ARHGAP26: variants seen among roughly 807,000 people sequenced by gnomAD.
ARHGAP26 encodes Rho GTPase activating protein 26.
A neutral mutation model predicts 104.8 loss-of-function variants in ARHGAP26; 38 were observed. The observed-to-expected ratio is 0.36, with a 90% CI of 0.28 to 0.48. The LOEUF (loss-of-function observed/expected upper bound fraction) is 0.48. ARHGAP26 is among the 20% of genes least tolerant of loss of function. The probability of loss-of-function intolerance (pLI) is 0.99; values close to 1 mark genes in which losing one functional copy is unlikely to be tolerated. For missense variants in ARHGAP26, 704 were observed against 947.9 expected, an observed-to-expected ratio of 0.74 and a Z score of 3.38; for synonymous variants, 341 against 340.0, an observed-to-expected ratio of 1.00 and a Z score of -0.03.
intron 3 of ARHGAP26, among the ~76,000 whole-genome samples, chr5:142,877,983 G>T (rs923536670): frequency 6.6e-6 from 1 of 152,098 alleles, no homozygotes; most frequent in Non-Finnish European, 1.5e-5. Context: ...AATTAACACC[G>T]CAACACTCTA....
At chr5:142,814,910 T>C (rs1178968870) in intron 1 of ARHGAP26, among the ~76,000 whole-genome samples, 1 of 152,236 alleles carries the variant, frequency 6.6e-6, no homozygotes, top group African/African-American at 2.4e-5. Flanking sequence ...GCTCTTGTTA[T>C]CAATGTAGGA....
chr5:142,931,967 G>A lies in ARHGAP26; in HGVS notation c.1029-80G>A, dbSNP rs567987914. On this transcript the variant is annotated intron_variant, in intron 10 of 22. Transcript: ENST00000645722. Reference sequence around the variant, plus strand: ...CCTTAGCAGCCACTGACTCTTTTGAGTGGATGTTTAAGATTTGCCTTCACC... The same window carrying A: ...CCTTAGCAGCCACTGACTCTTTTGAATGGATGTTTAAGATTTGCCTTCACC... The A allele has an allele frequency of 4.2e-5, 56 of 1,323,314 alleles. No homozygotes were observed. The Admixed American group carries it at 8.6e-4, about 20-fold the overall frequency. 82.0% of individuals were successfully genotyped at this position (1,323,314 alleles called of 1,614,324 possible). A position where few individuals can be genotyped will look rare whatever the true frequency, so the allele number is the denominator to read the frequency against.
intron 17 of ARHGAP26, among the ~76,000 whole-genome samples, chr5:143,097,931 A>G (rs1001682201): frequency 6.6e-6 from 1 of 152,004 alleles, no homozygotes; most frequent in Non-Finnish European, 1.5e-5. Context: ...AGTGGGACAT[A>G]TTTTGTATTG....
chr5:142,907,887 A>AG, intron 9 of ARHGAP26, 83 bp downstream of exon 9: 3 of 808,668 alleles, frequency 3.7e-6, no homozygotes, highest in South Asian at 2.9e-5. Flanking sequence ...TAACACCTCC[A>AG]GTGTTATATT....
chr5:143,045,507 G>A (rs1443192894), intron 14 of ARHGAP26, among the ~76,000 whole-genome samples: 3 of 152,168 alleles, frequency 2.0e-5, no homozygotes, highest in African/African-American at 7.2e-5. Flanking sequence ...GGTAGTGTCT[G>A]GGCTAGCCAA....
At chr5:142,993,644 T>C (rs1328691016) in intron 11 of ARHGAP26, among the ~76,000 whole-genome samples, 2 of 151,732 alleles carry the variant, frequency 1.3e-5, no homozygotes, top group East Asian at 3.9e-4. Context: ...TGTTGATTTT[T>C]TTTCTTTTTT....
chr5:142,867,910 A>C (rs1026163695), intron 1 of ARHGAP26: 2 of 152,046 alleles, frequency 1.3e-5, no homozygotes, highest in African/African-American at 2.4e-5. Flanking sequence ...CCTCTGATGA[A>C]GGCTAATGGA....
chr5:142,964,847 G>A (rs1358850338), intron 11 of ARHGAP26, among the ~76,000 whole-genome samples: 1 of 152,148 alleles, frequency 6.6e-6, no homozygotes, highest in Non-Finnish European at 1.5e-5. Flanking sequence ...AAAGACACAA[G>A]ACTAAGAGAT....
In ARHGAP26 at chr5:142,902,113, A is replaced by G; in HGVS notation, c.702+74A>G. The G allele has an allele frequency of 7.4e-6, 10 of 1,344,704 alleles. No individual in the cohort carries two copies. In the Admixed American group the frequency reaches 1.7e-4, roughly 22 times the overall value. The allele number at this position is 1,344,704 out of a possible 1,614,324, so 83.3% of individuals were successfully genotyped here. A position where few individuals can be genotyped will look rare whatever the true frequency, so the allele number is the denominator to read the frequency against. The stretch of plus-strand genomic sequence containing the variant: ...AAATATGGGCCTGATTGCCCTAGAA[A>G]CCATCCAGGTGGCTTGGAATGTAGG... On this transcript the variant is annotated intron_variant, in intron 7 of 22. Transcript: ENST00000645722.
chr5:143,140,285 T>A (rs1348007046), intron 19 of ARHGAP26, among the ~76,000 whole-genome samples: 2 of 152,224 alleles, frequency 1.3e-5, no homozygotes, highest in African/African-American at 4.8e-5. Flanking sequence ...TGTTGGAGTT[T>A]GGAGCACCCT....
In ARHGAP26 at chr5:142,883,119, AT is replaced by A. The variant is rs901905222; in HGVS notation, c.385-2172del. ...ACAGAAACGGCTTCCCTTTCTCCTTATTTTTTTCTCTAACTTTGGGTGTCCT... is the reference window on the plus strand; with the variant it reads ...ACAGAAACGGCTTCCCTTTCTCCTTATTTTTTCTCTAACTTTGGGTGTCCT... On this transcript the variant is annotated intron_variant, in intron 4 of 22. Transcript: ENST00000645722. Among the ~76,000 whole-genome samples the A allele has an allele frequency of 9.2e-5, 14 of 152,136 alleles. 1 individual carries two copies. Among genetic ancestry groups the A allele is most frequent in the African/African-American group, 3.4e-4 (14 of 41,516 alleles).
intron 1 of ARHGAP26, among the ~76,000 whole-genome samples, chr5:142,823,153 AGGTGGAGCTGAG>A (rs1166449952): frequency 6.6e-6 from 1 of 152,164 alleles, no homozygotes; most frequent in Non-Finnish European, 1.5e-5. Context: ...CAGCTGGTGA[AGGTGGAGCTGAG>A]GGTGGAGCTG....
chr5:143,075,184 C>A (rs1026380768), intron 17 of ARHGAP26, among the ~76,000 whole-genome samples: 1 of 152,168 alleles, frequency 6.6e-6, no homozygotes, highest in African/African-American at 2.4e-5. Context: ...ATAATTTTAA[C>A]AAGTGTGCCT....
chr5:143,067,890 G>A (rs1367144921), intron 17 of ARHGAP26, among the ~76,000 whole-genome samples: 1 of 152,208 alleles, frequency 6.6e-6, no homozygotes, highest in African/African-American at 2.4e-5. Context: ...GGGTCCAAGA[G>A]CAGTGGCTCA....
At chr5:142,908,341 A>G in intron 9 of ARHGAP26, among the ~76,000 whole-genome samples, 1 of 152,240 alleles carries the variant, frequency 6.6e-6, no homozygotes, top group African/African-American at 2.4e-5. Context: ...AGTACTAAGC[A>G]GACAGTAGCT....
intron 1 of ARHGAP26, among the ~76,000 whole-genome samples, chr5:142,810,338 G>T (rs1162834937): frequency 6.6e-6 from 1 of 152,206 alleles, no homozygotes; most frequent in Non-Finnish European, 1.5e-5. Flanking sequence ...AAAGAATAGT[G>T]TGGAATTTAG....
intron 1 of ARHGAP26, among the ~76,000 whole-genome samples, chr5:142,840,988 A>G (rs1261029151): frequency 6.6e-6 from 1 of 152,238 alleles, no homozygotes; most frequent in African/African-American, 2.4e-5. Flanking sequence ...TGGAGATTTC[A>G]TAAGTTCATG....
intron 12 of ARHGAP26, among the ~76,000 whole-genome samples, chr5:143,029,218 A>G (rs1351100382): frequency 6.6e-6 from 1 of 152,058 alleles, no homozygotes; most frequent in African/African-American, 2.4e-5. Context: ...GGGTGTTGAA[A>G]TTGATTAAAT....
intron 1 of ARHGAP26, among the ~76,000 whole-genome samples, chr5:142,818,516 C>T (rs1765542534): frequency 6.6e-6 from 1 of 152,170 alleles, no homozygotes. Flanking sequence ...CTGTCCTGTC[C>T]TTTAATATCA....
Sources: gnomAD v4.1 joint callset for allele counts (sites outside exome capture counted in the v4.1 genomes callset) on GRCh38, gnomAD v4.1.1 for gene constraint, MANE v1.5 for transcripts, NCBI Gene and HGNC (gene_info 2026-07-23, HGNC 2026-07-21) for gene names.